CD247: variants seen among roughly 807,000 people sequenced by gnomAD.
The protein encoded by CD247 is T-cell surface glycoprotein CD3 zeta chain.
CD247 carries 13 observed loss-of-function variants against 30.0 expected under a neutral mutation model. The observed-to-expected ratio is 0.43, with a 90% CI of 0.28 to 0.69. CD247 has a LOEUF of 0.69. Among genes scored for constraint, CD247 ranks in the 30% least tolerant of loss-of-function variants. The probability of loss-of-function intolerance (pLI) is 0.16; values close to 1 mark genes in which losing one functional copy is unlikely to be tolerated. For synonymous variants in CD247, 72 were observed against 80.0 expected (o/e 0.90, Z 0.53); for missense variants, 193 against 212.6 (o/e 0.91, Z 0.57).
chr1:167,454,254 A>G (rs1201501583), intron 1 of CD247, among the ~76,000 whole-genome samples: 1 of 152,230 alleles, frequency 6.6e-6, no homozygotes, highest in African/African-American at 2.4e-5. Context: ...ACACACAAAA[A>G]TGTCATCCAC....
In CD247 at chr1:167,518,490, C is replaced by A; in HGVS notation, c.-25G>T. 1 of 1,612,026 alleles carries A rather than the reference C, an allele frequency of 6.2e-7. No homozygotes were observed. The highest frequency in any genetic ancestry group is 8.5e-7 in the Non-Finnish European group (1 of 1,178,614). ...TCTTGTCCTTTCCCTCAGAAAGAGGCTGGGAGGCAGAGGCTGAGGCAGCGG... is the reference window on the plus strand; with the variant it reads ...TCTTGTCCTTTCCCTCAGAAAGAGGATGGGAGGCAGAGGCTGAGGCAGCGG... On this transcript the variant is annotated 5_prime_UTR_variant, in exon 1 of 8. Coordinates refer to ENST00000362089, the MANE Select transcript of CD247 (RefSeq NM_198053.3).
intron 1 of CD247, among the ~76,000 whole-genome samples, chr1:167,461,132 T>G (rs1652989825): frequency 6.6e-6 from 1 of 152,234 alleles, no homozygotes; most frequent in South Asian, 2.1e-4. Context: ...GGCAGACTGC[T>G]GGGCTGCCGC....
intron 1 of CD247, among the ~76,000 whole-genome samples, chr1:167,510,966 C>T (rs546979497): frequency 1.1e-3 from 170 of 152,316 alleles, no homozygotes; most frequent in Non-Finnish European, 2.0e-3. Flanking sequence ...ACATCTCCAG[C>T]TGTTTAATGC....
At chr1:167,478,557 T>TA (rs1375114868) in intron 1 of CD247, among the ~76,000 whole-genome samples, 1 of 152,168 alleles carries the variant, frequency 6.6e-6, no homozygotes, top group Admixed American at 6.5e-5. Context: ...GAAGTTTCAC[T>TA]AAAAACCAAT....
intron 1 of CD247, among the ~76,000 whole-genome samples, chr1:167,505,139 T>C (rs552316609): frequency 6.6e-6 from 1 of 152,284 alleles, no homozygotes; most frequent in African/African-American, 2.4e-5. Flanking sequence ...CTTTTCTTTT[T>C]CTTTTTTTAG....
At position 167,435,412 on chromosome 1, in the gene CD247, T is replaced by G. The variant is rs766541481; in HGVS notation, c.323A>C (p.Glu108Ala). Residue 108 changes from glutamate (E) to alanine (A), a missense_variant, in exon 5 of 8, where the codon GAA becomes GCA. Physicochemically the swap from Glu to Ala is moderately radical, Grantham distance 107 (BLOSUM62 -1). Coordinates refer to ENST00000362089, the MANE Select transcript of CD247 (RefSeq NM_198053.3). Reference sequence around the variant, plus strand: ...TCCTCTACTCACATTGTACAGGCCTTCCTGAGGGTTCTTCCTTCTCTGCTA... The same window carrying G: ...TCCTCTACTCACATTGTACAGGCCTGCCTGAGGGTTCTTCCTTCTCTGCTA... ...GKPQRRKNPQEGLYNELQKDK... is the reference protein window; with the variant it reads ...GKPQRRKNPQAGLYNELQKDK... The G allele has an allele frequency of 3.1e-6, 5 of 1,612,568 alleles. No homozygotes were observed. In the Admixed American group the frequency reaches 5.0e-5, roughly 16 times the overall value.
At chr1:167,503,812 G>C (rs1268247611) in intron 1 of CD247, among the ~76,000 whole-genome samples, 1 of 152,048 alleles carries the variant, frequency 6.6e-6, no homozygotes, top group Non-Finnish European at 1.5e-5. Context: ...TAGGCTACCG[G>C]TTAGGGTGCC....
chr1:167,516,919 C>T (rs775573820), intron 1 of CD247, among the ~76,000 whole-genome samples: 11 of 152,238 alleles, frequency 7.2e-5, no homozygotes, highest in Non-Finnish European at 1.3e-4. Context: ...CTCTCCAAGC[C>T]GAACACAAAT....
intron 1 of CD247, among the ~76,000 whole-genome samples, chr1:167,441,975 G>A (rs184024586): frequency 1.3e-5 from 2 of 152,232 alleles, no homozygotes; most frequent in Admixed American, 1.3e-4. Flanking sequence ...GCTGGGCGTG[G>A]TGGCTGGCAG....
In CD247 at chr1:167,453,436, C is replaced by CA. The variant is rs376382825; in HGVS notation, c.59-12670dup. On this transcript the variant is annotated intron_variant, in intron 1 of 7. Coordinates refer to ENST00000362089, the MANE Select transcript of CD247 (RefSeq NM_198053.3). ...TTGCTCTTGAAAATTAGCACCATTT[C>CA]AAAAAAATCTACTTTCGAGCAAACC... 1.1e-4 allele frequency among the ~76,000 whole-genome samples: 17 copies of CA among 152,190 alleles called. No individual in the cohort carries two copies. The East Asian group carries it at 2.9e-3, about 26-fold the overall frequency.
chr1:167,452,100 T>G (rs1652374547), intron 1 of CD247, among the ~76,000 whole-genome samples: 1 of 152,120 alleles, frequency 6.6e-6, no homozygotes, highest in Non-Finnish European at 1.5e-5. Flanking sequence ...TGGTAGGCAC[T>G]TGTAAACCCA....
chr1:167,491,270 T>C (rs1654433671), intron 1 of CD247, among the ~76,000 whole-genome samples: 1 of 151,932 alleles, frequency 6.6e-6, no homozygotes. Flanking sequence ...CCTCAGAAAG[T>C]TAAAAATAGA....
intron 6 of CD247, 105 bp downstream of exon 6, chr1:167,433,915 C>T: frequency 9.6e-7 from 1 of 1,040,538 alleles, no homozygotes; most frequent in Admixed American, 1.7e-5. Flanking sequence ...ACCACATGGG[C>T]ATTTGCAGCT....
chr1:167,433,425 T>C (rs1327256121), intron 6 of CD247, among the ~76,000 whole-genome samples: 1 of 152,204 alleles, frequency 6.6e-6, no homozygotes, highest in Non-Finnish European at 1.5e-5. Context: ...AACCAGCTGT[T>C]TTGAGCAGTT....
chr1:167,496,760 G>A (rs1374289890), intron 1 of CD247, among the ~76,000 whole-genome samples: 5 of 152,226 alleles, frequency 3.3e-5, no homozygotes, highest in Non-Finnish European at 7.3e-5. Context: ...TCGGTTAGAA[G>A]TTTAAGGATT....
chr1:167,491,366 C>G (rs185103322), intron 1 of CD247, among the ~76,000 whole-genome samples: 2 of 152,072 alleles, frequency 1.3e-5, no homozygotes, highest in African/African-American at 4.8e-5. Context: ...GTCGGGAGTT[C>G]GAGACCAGCC....
chr1:167,511,909 G>A (rs1229772396), intron 1 of CD247, among the ~76,000 whole-genome samples: 1 of 152,076 alleles, frequency 6.6e-6, no homozygotes, highest in Admixed American at 6.5e-5. Flanking sequence ...GCCATAGGAT[G>A]GTTATGAGGA....
chr1:167,473,540 A>G (rs1186438338), intron 1 of CD247, among the ~76,000 whole-genome samples: 1 of 152,116 alleles, frequency 6.6e-6, no homozygotes, highest in Non-Finnish European at 1.5e-5. Context: ...TATTCCCATT[A>G]GAAAAAAAAA....
At chr1:167,471,007 G>A (rs1290265197) in intron 1 of CD247, among the ~76,000 whole-genome samples, 1 of 151,940 alleles carries the variant, frequency 6.6e-6, no homozygotes, top group African/African-American at 2.4e-5. Context: ...GAGTAGCTGG[G>A]ACTACAGGCG....
Sources: gnomAD v4.1 joint callset for allele counts (sites outside exome capture counted in the v4.1 genomes callset) on GRCh38, gnomAD v4.1.1 for gene constraint, MANE v1.5 for transcripts, NCBI Gene and HGNC (gene_info 2026-07-23, HGNC 2026-07-21) for gene names.